The following NXPH1 variants were observed in gnomAD, a reference collection of about 807,000 sequenced individuals.
NXPH1 encodes the protein neurexophilin-1.
A neutral mutation model predicts 23.7 loss-of-function variants in NXPH1; 5 were observed. The observed-to-expected ratio is 0.21, with a 90% CI of 0.11 to 0.44. The LOEUF (loss-of-function observed/expected upper bound fraction) is 0.44, where lower values mean the gene tolerates loss of function less well. Ranked by LOEUF, NXPH1 falls within the 20% of genes least tolerant of loss-of-function variation. The pLI is 0.99. For synonymous variants in NXPH1, 144 were observed against 122.2 expected (o/e 1.18, Z -1.18); for missense variants, 324 against 321.6 (o/e 1.01, Z -0.06).
intron 2 of NXPH1, among the ~76,000 whole-genome samples, chr7:8,708,469 T>A (rs945197665): frequency 6.6e-6 from 1 of 152,182 alleles, no homozygotes; most frequent in Non-Finnish European, 1.5e-5. Flanking sequence ...CAAGTGATTC[T>A]CTTGCCTTAG....
intron 2 of NXPH1, among the ~76,000 whole-genome samples, chr7:8,506,602 A>T (rs965404898): frequency 6.6e-6 from 1 of 152,066 alleles, no homozygotes; most frequent in Non-Finnish European, 1.5e-5. Flanking sequence ...TGTGTGTTTG[A>T]TGAGAAAATA....
intron 2 of NXPH1, among the ~76,000 whole-genome samples, chr7:8,744,188 TAC>T (rs1372240718): frequency 1.3e-5 from 2 of 152,212 alleles, no homozygotes; most frequent in African/African-American, 4.8e-5. Context: ...TAAAAATGCA[TAC>T]ACTTATGTTA....
At chr7:8,469,419 C>T (rs770208275) in intron 2 of NXPH1, among the ~76,000 whole-genome samples, 5 of 152,080 alleles carry the variant, frequency 3.3e-5, no homozygotes, top group Non-Finnish European at 5.9e-5. Context: ...TCCAGCTCAG[C>T]AGCTCTCAGT....
intron 2 of NXPH1, among the ~76,000 whole-genome samples, chr7:8,631,969 G>A (rs1486988374): frequency 1.3e-5 from 2 of 152,118 alleles, no homozygotes; most frequent in Admixed American, 1.3e-4. Context: ...CTGGTCTGAA[G>A]GAGGACACCA....
At chr7:8,537,958 C>T (rs1397373385) in intron 2 of NXPH1, among the ~76,000 whole-genome samples, 1 of 151,778 alleles carries the variant, frequency 6.6e-6, no homozygotes, top group African/African-American at 2.4e-5. Context: ...GGGAATGGAG[C>T]CCTATGATAT....
intron 2 of NXPH1, among the ~76,000 whole-genome samples, chr7:8,455,315 C>G (rs1418753258): frequency 3.3e-5 from 5 of 152,040 alleles, no homozygotes; most frequent in African/African-American, 7.2e-5. Context: ...ACGACTAATC[C>G]TGAGACTTTA....
chr7:8,464,455 T>C (rs1584172394), intron 2 of NXPH1, among the ~76,000 whole-genome samples: 1 of 152,194 alleles, frequency 6.6e-6, no homozygotes, highest in East Asian at 1.9e-4. Flanking sequence ...AATCTTCCAG[T>C]CTTTTTACCC....
chr7:8,554,537 C>T (rs1483828846), intron 2 of NXPH1, among the ~76,000 whole-genome samples: 1 of 151,714 alleles, frequency 6.6e-6, no homozygotes, highest in Admixed American at 6.6e-5. Flanking sequence ...ATAATAGGCT[C>T]TTAGTACATT....
At chr7:8,457,090 T>C (rs1438688368) in intron 2 of NXPH1, among the ~76,000 whole-genome samples, 1 of 152,168 alleles carries the variant, frequency 6.6e-6, no homozygotes, top group African/African-American at 2.4e-5. Flanking sequence ...GTGTAGGAAC[T>C]GGGGGTTCTT....
chr7:8,703,788 T>G (rs1420348544), intron 2 of NXPH1, among the ~76,000 whole-genome samples: 1 of 152,096 alleles, frequency 6.6e-6, no homozygotes, highest in Non-Finnish European at 1.5e-5. Flanking sequence ...AAGATTTTAT[T>G]CCTTATTATT....
intron 2 of NXPH1, among the ~76,000 whole-genome samples, chr7:8,523,908 G>A (rs377435449): frequency 3.3e-4 from 50 of 152,182 alleles, no homozygotes; most frequent in Non-Finnish European, 4.6e-4. Context: ...AAAATCAAGC[G>A]TGAGAGAAAA....
chr7:8,711,025 T>C (rs114440256), intron 2 of NXPH1, among the ~76,000 whole-genome samples: 1,585 of 152,244 alleles, frequency 0.01, 30 homozygotes, highest in African/African-American at 0.036. Context: ...ATTTCCTACA[T>C]CTTTCTGCTA....
At chr7:8,583,417 A>G (rs1028698832) in intron 2 of NXPH1, among the ~76,000 whole-genome samples, 1 of 152,220 alleles carries the variant, frequency 6.6e-6, no homozygotes, top group South Asian at 2.1e-4. Context: ...TAAAATGTGG[A>G]TAATAATAGT....
At chr7:8,483,205 T>G (rs892196624) in intron 2 of NXPH1, among the ~76,000 whole-genome samples, 10 of 152,210 alleles carry the variant, frequency 6.6e-5, no homozygotes, top group African/African-American at 2.4e-4. Flanking sequence ...GATTTTTGTT[T>G]CTGTGCTACA....
intron 2 of NXPH1, among the ~76,000 whole-genome samples, chr7:8,528,802 T>C (rs555561122): frequency 6.6e-6 from 1 of 152,262 alleles, no homozygotes; most frequent in Non-Finnish European, 1.5e-5. Context: ...AAGCTTATGA[T>C]ACAGAAGAGA....
At position 8,530,874 on chromosome 7, in the gene NXPH1, G is replaced by T. The variant is rs118086424; in HGVS notation, c.54+95107G>T. On this transcript the variant is annotated intron_variant, in intron 2 of 2. Coordinates refer to ENST00000405863, the MANE Select transcript of NXPH1 (RefSeq NM_152745.3). ...AAATGAAGTTAATACCAATTTATTT[G>T]TCTGAAGGGAGGGGGTTAAATTATA... Among the ~76,000 whole-genome samples, 1,255 of 152,276 alleles carry T rather than the reference G, an allele frequency of 8.2e-3. 11 individuals carry two copies. The highest frequency in any genetic ancestry group is 0.012 in the Non-Finnish European group (798 of 68,016).
intron 2 of NXPH1, among the ~76,000 whole-genome samples, chr7:8,541,849 C>G (rs1014430661): frequency 6.6e-6 from 1 of 151,200 alleles, no homozygotes; most frequent in Non-Finnish European, 1.5e-5. Flanking sequence ...AAAGCAGTAA[C>G]TAAAATAACA....
chr7:8,524,645 G>A (rs1289725290), intron 2 of NXPH1, among the ~76,000 whole-genome samples: 1 of 152,148 alleles, frequency 6.6e-6, no homozygotes, highest in Non-Finnish European at 1.5e-5. Flanking sequence ...CCCACATGTT[G>A]TGGGAGGGAC....
chr7:8,478,372 C>T (rs1817011450), intron 2 of NXPH1, among the ~76,000 whole-genome samples: 3 of 151,622 alleles, frequency 2.0e-5, no homozygotes, highest in East Asian at 1.9e-4. Flanking sequence ...GGTGTAACTC[C>T]AGAAACAATC....
Sources: gnomAD v4.1 joint callset for allele counts (sites outside exome capture counted in the v4.1 genomes callset) on GRCh38, gnomAD v4.1.1 for gene constraint, MANE v1.5 for transcripts, NCBI Gene and HGNC (gene_info 2026-07-23, HGNC 2026-07-21) for gene names.